Variants in NTHL1 observed in about 807,000 individuals in gnomAD.
NTHL1 encodes the protein nth like DNA glycosylase 1.
A neutral mutation model predicts 32.3 loss-of-function variants in NTHL1; 32 were observed. That is an observed-to-expected ratio of 0.99 (90% CI 0.75 to 1.33). The LOEUF is 1.33. Ranked by LOEUF, NTHL1 falls within the 40% of genes most tolerant of loss-of-function variation. NTHL1 has a pLI of 0.00. For synonymous variants in NTHL1, 188 were observed against 176.9 expected (o/e 1.06, Z -0.50); for missense variants, 501 against 414.1 (o/e 1.21, Z -1.82).
chr16:2,046,714 G>A (rs561323763), intron 1 of NTHL1, among the ~76,000 whole-genome samples: 4 of 152,318 alleles, frequency 2.6e-5, no homozygotes, highest in African/African-American at 9.6e-5. Flanking sequence ...GATCAAGCCT[G>A]TAATCCCAGC....
At position 2,046,224 on chromosome 16, in the gene NTHL1, T is replaced by G; in HGVS notation, c.258A>C (p.Gln86His). The stretch of plus-strand genomic sequence containing the variant: ...TCATGGCACGGATGTTGACCAGCTG[T>G]TGCTGCCAGTCCTGGGGCTCCCAGA... ...VPVWEPQDWQ[Q>H]QLVNIRAMRN... The change falls in exon 2 of 6, where the codon CAA becomes CAC. Residue 86 changes from glutamine (Q) to histidine (H), a missense_variant. Coordinates refer to ENST00000651570, the MANE Select transcript of NTHL1 (RefSeq NM_002528.7). 6.2e-7 allele frequency: 1 copy of G among 1,613,200 alleles called. No homozygotes were observed. Among genetic ancestry groups the G allele is most frequent in the Non-Finnish European group, 8.5e-7 (1 of 1,180,002 alleles).
rs539542439 is a variant in NTHL1, at chr16:2,045,230, G to A, written c.355-430C>T. Among the ~76,000 whole-genome samples the A allele has an allele frequency of 6.6e-5, 10 of 151,998 alleles. 1 individual carries two copies. The highest frequency in any genetic ancestry group is 1.9e-4 in the African/African-American group (8 of 41,498). On this transcript the variant is annotated intron_variant, in intron 2 of 5. Coordinates refer to ENST00000651570, the MANE Select transcript of NTHL1 (RefSeq NM_002528.7). ...TGCATGCCTGTAATCCCAGCTACTCGGGAGGCCGAGGCAGGAGAATAATTT... is the reference window on the plus strand; with the variant it reads ...TGCATGCCTGTAATCCCAGCTACTCAGGAGGCCGAGGCAGGAGAATAATTT...
At position 2,047,761 on chromosome 16, in the gene NTHL1, C is replaced by T. The variant is rs1020317766; in HGVS notation, c.63G>A (p.Pro21=). ...RSRSLGPGAG[P]RGCREEPGPL... Reference sequence around the variant, plus strand: ...GCCCGGGCTCCTCCCTACACCCCCGCGGCCCAGCCCCGGGTCCCAGGCTCC... The same window carrying T: ...GCCCGGGCTCCTCCCTACACCCCCGTGGCCCAGCCCCGGGTCCCAGGCTCC... The change falls in exon 1 of 6, where the codon CCG becomes CCA. Residue 21 remains proline, a synonymous_variant. Transcript: ENST00000651570. 2 of 1,586,476 alleles carry T rather than the reference C, an allele frequency of 1.3e-6. No homozygotes were observed. The highest frequency in any genetic ancestry group is 2.7e-5 in the African/African-American group (2 of 74,438).
At chr16:2,042,537 C>A (rs1478743980) in intron 4 of NTHL1, among the ~76,000 whole-genome samples, 1 of 152,126 alleles carries the variant, frequency 6.6e-6, no homozygotes, top group African/African-American at 2.4e-5. Flanking sequence ...CTGCAGGAGT[C>A]CCAAAGGGGC....
chr16:2,040,474 G>GT, intron 4 of NTHL1: 1 of 599,388 alleles, frequency 1.7e-6, no homozygotes, highest in Non-Finnish European at 3.0e-6. Flanking sequence ...GAGCCAGCCT[G>GT]GGGGGCTCTG....
In NTHL1 at chr16:2,044,586, C is replaced by T. The variant is rs1455659437; in HGVS notation, c.525+44G>A. The T allele has an allele frequency of 6.3e-7, 1 of 1,597,068 alleles. No homozygotes were observed. Among genetic ancestry groups the T allele is most frequent in the South Asian group, 1.1e-5 (1 of 90,984 alleles). ...CCCCTCAGCCTTCTGAGGTCTCTCT[C>T]AGGCCACTGCCACCCGGCCCCCGTT... On this transcript the variant is annotated intron_variant, in intron 3 of 5. Transcript: ENST00000651570. This position sits in a 1 kb window ranked among gnomAD's most constrained non-coding sequence, Gnocchi z 5.0.
rs1274325491 is a variant in NTHL1, at chr16:2,047,749, C to G, written c.75G>C (p.Arg25Ser). ...LGPGAGPRGC[R>S]EEPGPLRRRE... ...TTCTCCGGAGAGGCCCGGGCTCCTC[C>G]CTACACCCCCGCGGCCCAGCCCCGG... Residue 25 changes from arginine to serine, a missense_variant, in exon 1 of 6, where the codon AGG (arginine) becomes AGC (serine). Transcript: ENST00000651570. 1 of 1,586,522 alleles carries G rather than the reference C, an allele frequency of 6.3e-7. No individual in the cohort carries two copies. Among genetic ancestry groups the G allele is most frequent in the East Asian group, 2.3e-5 (1 of 43,708 alleles).
Position 2,047,758 on chromosome 16 carries a change from C to G in NTHL1, c.66G>C (p.Arg22=), listed in dbSNP as rs755616986. ...SRSLGPGAGP[R]GCREEPGPLR... ...GAGGCCCGGGCTCCTCCCTACACCC[C>G]CGCGGCCCAGCCCCGGGTCCCAGGC... The change falls in exon 1 of 6, where the codon CGG becomes CGC. Residue 22 remains arginine, a synonymous_variant. Coordinates refer to ENST00000651570, the MANE Select transcript of NTHL1 (RefSeq NM_002528.7). 17 of 1,586,528 alleles carry G rather than the reference C, an allele frequency of 1.1e-5. No homozygotes were observed. Among genetic ancestry groups the G allele is most frequent in the Non-Finnish European group, 1.3e-5 (15 of 1,172,212 alleles).
At chr16:2,040,503 C>T in intron 4 of NTHL1, 1 of 559,656 alleles carries the variant, frequency 1.8e-6, no homozygotes, top group South Asian at 2.0e-5. Context: ...TGCCCACTCC[C>T]AACACTGGTG....
intron 1 of NTHL1, chr16:2,047,354 T>C: frequency 3.0e-6 from 1 of 334,442 alleles, no homozygotes; most frequent in Non-Finnish European, 5.6e-6. Context: ...TGGCTGCGTG[T>C]GTCCTTGGCA....
At chr16:2,046,004 G>A (rs757309609) in intron 2 of NTHL1, 124 bp downstream of exon 2, 22 of 749,804 alleles carry the variant, frequency 2.9e-5, no homozygotes, top group South Asian at 3.2e-5. Flanking sequence ...CTGGGGCACC[G>A]GGTGTCCATC....
chr16:2,041,289 G>A (rs2084265762), intron 4 of NTHL1, among the ~76,000 whole-genome samples: 1 of 152,212 alleles, frequency 6.6e-6, no homozygotes, highest in Non-Finnish European at 1.5e-5. Context: ...GCCACGTCAC[G>A]TTGTGTGAGC....
At position 2,040,601 on chromosome 16, in the gene NTHL1, A is replaced by C. The variant is rs573459952; in HGVS notation, c.686-363T>G. ...CTCTGCTTGGAGCTCTATTCCCCAC[A>C]ATAACAGCGACAGCTCGCTTGGACA... On this transcript the variant is annotated intron_variant, in intron 4 of 5. Transcript: ENST00000651570. 379 of 397,788 alleles carry C rather than the reference A, an allele frequency of 9.5e-4. 1 individual carries two copies. The highest frequency in any genetic ancestry group is 2.7e-3 in the Admixed American group (73 of 27,404). 24.6% of individuals were successfully genotyped at this position (397,788 alleles called of 1,614,324 possible). A position where few individuals can be genotyped will look rare whatever the true frequency, so the allele number is the denominator to read the frequency against.
At chr16:2,045,967 AGTGGCT>A in intron 2 of NTHL1, among the ~76,000 whole-genome samples, 155 bp downstream of exon 2, 1 of 152,266 alleles carries the variant, frequency 6.6e-6, no homozygotes, top group South Asian at 2.1e-4. Flanking sequence ...TGACCTGCTG[AGTGGCT>A]ACAGTGATGC....
chr16:2,047,527 G>C (rs1188089102), intron 1 of NTHL1, 182 bp downstream of exon 1: 1 of 1,064,298 alleles, frequency 9.4e-7, no homozygotes, highest in Non-Finnish European at 1.3e-6. Flanking sequence ...AGCCCCTGCG[G>C]ACCGCAATCT....
chr16:2,040,111 G>C (rs2150938115), intron 5 of NTHL1, 22 bp downstream of exon 5: 1 of 1,613,056 alleles, frequency 6.2e-7, no homozygotes, highest in Non-Finnish European at 8.5e-7. Flanking sequence ...TTCTCCCTAG[G>C]AAGCCCCCCA....
chr16:2,047,469 T>C, intron 1 of NTHL1: 2 of 644,964 alleles, frequency 3.1e-6, no homozygotes, highest in Non-Finnish European at 5.2e-6. Context: ...AGGAAGCGTT[T>C]TCTTGCTTGG....
chr16:2,047,433 G>C (rs547534225), intron 1 of NTHL1: 2 of 528,570 alleles, frequency 3.8e-6, no homozygotes, highest in Non-Finnish European at 6.6e-6. Flanking sequence ...GCCTGGAGTG[G>C]AGAGTCCCGG....
chr16:2,045,200 G>A (rs181218579), intron 2 of NTHL1, among the ~76,000 whole-genome samples: 38 of 152,118 alleles, frequency 2.5e-4, no homozygotes, highest in Middle Eastern at 3.4e-3. Flanking sequence ...AGCTGGGTGC[G>A]GTGGTGCATG....
Sources: allele counts gnomAD v4.1 joint callset (sites outside exome capture counted in the v4.1 genomes callset), GRCh38; gene constraint gnomAD v4.1.1; non-coding constraint Gnocchi (gnomAD v3.1); transcripts MANE v1.5; gene names NCBI Gene and HGNC (gene_info 2026-07-23, HGNC 2026-07-21).